GON4L: variants seen among roughly 807,000 people sequenced by gnomAD.
GON4L encodes GON-4-like protein.
In GON4L, 87 loss-of-function variants were observed where a neutral mutation model predicts 211.8. The observed-to-expected ratio is 0.41, with a 90% CI of 0.35 to 0.49. The LOEUF is 0.49. Among genes scored for constraint, GON4L ranks in the 20% least tolerant of loss-of-function variants. The pLI is 0.15. For synonymous variants in GON4L, 875 were observed against 962.6 expected (o/e 0.91, Z 1.68); for missense variants, 2,155 against 2,659.5 (o/e 0.81, Z 4.17).
At chr1:155,781,450 AT>A (rs1664416479) in intron 14 of GON4L, among the ~76,000 whole-genome samples, 6 of 1,046 alleles carry the variant, frequency 5.7e-3, no homozygotes, top group Non-Finnish European at 0.014. Flanking sequence ...CTGATCTATA[AT>A]TATTATTATT....
At chr1:155,804,007 T>G (rs1666919615) in intron 11 of GON4L, among the ~76,000 whole-genome samples, 1 of 152,184 alleles carries the variant, frequency 6.6e-6, no homozygotes, top group Non-Finnish European at 1.5e-5. Context: ...AGAGTTAGGA[T>G]TCTTTCACTT....
intron 11 of GON4L, among the ~76,000 whole-genome samples, chr1:155,799,504 G>A (rs1254587603): frequency 6.6e-6 from 1 of 152,094 alleles, no homozygotes; most frequent in Non-Finnish European, 1.5e-5. Flanking sequence ...CTAACCATTA[G>A]TCCAATTCCC....
intron 15 of GON4L, 68 bp from the exon 16 acceptor site, chr1:155,776,549 CTTTTT>C (rs60525991): frequency 1.8e-5 from 14 of 782,330 alleles, no homozygotes; most frequent in Non-Finnish European, 2.9e-5. Context: ...CCAGAGAGAT[CTTTTT>C]TTTTTTTCTT....
downstream of GON4L, chr1:155,745,781 C>A: frequency 1.3e-6 from 1 of 750,878 alleles, no homozygotes; most frequent in Non-Finnish European, 2.2e-6. Context: ...CGGCTAGGAG[C>A]AGCGAGCGGC....
chr1:155,825,077 T>C (rs1207932041), intron 3 of GON4L, among the ~76,000 whole-genome samples: 2 of 151,834 alleles, frequency 1.3e-5, no homozygotes, highest in East Asian at 3.9e-4. Context: ...AGTGGGAAGA[T>C]CACTTGAACC....
intron 28 of GON4L, 186 bp downstream of exon 28, chr1:155,754,189 C>G (rs983145040): frequency 1.7e-5 from 11 of 651,266 alleles, no homozygotes; most frequent in Non-Finnish European, 2.8e-5. Flanking sequence ...ACAGAATTCT[C>G]TTTAAAAAAC....
intron 25 of GON4L, 72 bp downstream of exon 25, chr1:155,757,819 T>C (rs1661354560): frequency 4.2e-5 from 7 of 165,894 alleles, no homozygotes; most frequent in South Asian, 1.5e-4. Flanking sequence ...ATGGAGTAGG[T>C]TGGGGAAAGA....
At chr1:155,819,311 G>T (rs1003265161) in intron 6 of GON4L, among the ~76,000 whole-genome samples, 1 of 151,314 alleles carries the variant, frequency 6.6e-6, no homozygotes, top group Non-Finnish European at 1.5e-5. Flanking sequence ...AATAAAAAGG[G>T]GGGGAGAAAT....
chr1:155,784,532 C>A, intron 13 of GON4L: 1 of 187,186 alleles, frequency 5.3e-6, no homozygotes, highest in Non-Finnish European at 1.1e-5. Context: ...ACTACAGGTG[C>A]CCGCCACCAT....
At chr1:155,774,433 C>G (rs1303537883) in intron 17 of GON4L, among the ~76,000 whole-genome samples, 1 of 151,770 alleles carries the variant, frequency 6.6e-6, no homozygotes, top group African/African-American at 2.4e-5. Context: ...CTCAGCCTCC[C>G]GAGTAGCTGG....
At chr1:155,768,927 TTTGAG>T (rs1330109842) in intron 19 of GON4L, among the ~76,000 whole-genome samples, 4 of 152,130 alleles carry the variant, frequency 2.6e-5, no homozygotes, top group African/African-American at 9.7e-5. Context: ...TTCCTTCACG[TTTGAG>T]TTGTGTGTCA....
intron 27 of GON4L, among the ~76,000 whole-genome samples, 200 bp from the exon 28 acceptor site, chr1:155,754,688 C>T (rs1466863974): frequency 6.6e-6 from 1 of 151,570 alleles, no homozygotes; most frequent in East Asian, 1.9e-4. Flanking sequence ...CGCCACCACA[C>T]CCAGCTAATT....
chr1:155,838,688 T>C (rs1274214339), intron 2 of GON4L, among the ~76,000 whole-genome samples: 2 of 151,410 alleles, frequency 1.3e-5, no homozygotes, highest in Admixed American at 6.6e-5. Flanking sequence ...AAGAAGCTCT[T>C]GAATCCGGGA....
intron 2 of GON4L, among the ~76,000 whole-genome samples, chr1:155,837,035 C>T (rs1670376408): frequency 6.6e-6 from 1 of 152,178 alleles, no homozygotes; most frequent in Non-Finnish European, 1.5e-5. Context: ...TATGGGGACC[C>T]TCACTGGCCA....
intron 10 of GON4L, among the ~76,000 whole-genome samples, chr1:155,811,907 C>G (rs996047519): frequency 2.6e-5 from 4 of 151,338 alleles, no homozygotes; most frequent in African/African-American, 9.7e-5. Flanking sequence ...CAAAAATTAG[C>G]CAGGCGTGGT....
At chr1:155,832,468 A>T (rs1393478241) in intron 2 of GON4L, among the ~76,000 whole-genome samples, 3 of 151,610 alleles carry the variant, frequency 2.0e-5, no homozygotes, top group Non-Finnish European at 4.4e-5. Flanking sequence ...GGGAAACCCC[A>T]CCTCTACTGA....
rs1663153949 is a variant in GON4L, at chr1:155,771,134, G to T, written c.2579C>A (p.Thr860Asn). Reference protein sequence around the residue: ...LISKYLLTCKTAHQLTVRIKN... With the variant: ...LISKYLLTCKNAHQLTVRIKN... ...GATTCTCACTGTCAGTTGGTGGGCA[G>T]TTTTGCAGGTTAGAAGGTACTTGCT... Residue 860 changes from threonine to asparagine, a missense_variant, in exon 19 of 32, where the codon ACT becomes AAT. This residue lies in a region of GON4L where 551 missense variants were observed against 854.0 expected (regional missense o/e 0.65). Coordinates refer to ENST00000368331, the MANE Select transcript of GON4L (RefSeq NM_001282860.2). 6.2e-7 allele frequency: 1 copy of T among 1,614,074 alleles called. No homozygotes were observed. The highest frequency in any genetic ancestry group is 1.1e-5 in the South Asian group (1 of 91,088).
chr1:155,772,839 C>T (rs576089996), intron 18 of GON4L, among the ~76,000 whole-genome samples: 5 of 152,178 alleles, frequency 3.3e-5, no homozygotes, highest in African/African-American at 4.8e-5. Context: ...CCACCATGTC[C>T]GGTCTAAAAT....
At chr1:155,800,200 A>AAAAAC (rs568033649) in intron 11 of GON4L, among the ~76,000 whole-genome samples, 2,841 of 151,720 alleles carry the variant, frequency 0.019, 42 homozygotes, top group Non-Finnish European at 0.032. Context: ...ACTCCATCTC[A>AAAAAC]AAAACAAAAC....
Sources: gnomAD v4.1 joint callset for allele counts (sites outside exome capture counted in the v4.1 genomes callset) on GRCh38, gnomAD v4.1.1 for gene constraint, gnomAD v4.1.1 regional missense constraint, MANE v1.5 for transcripts, NCBI Gene and HGNC (gene_info 2026-07-23, HGNC 2026-07-21) for gene names.